Variants in EBNA1BP2 observed in about 807,000 individuals in gnomAD.
EBNA1BP2 encodes probable rRNA-processing protein EBP2.
A neutral mutation model predicts 43.5 loss-of-function variants in EBNA1BP2; 36 were observed. That is an observed-to-expected ratio of 0.83 (90% CI 0.63 to 1.09). EBNA1BP2 has a LOEUF of 1.09. Ranked by LOEUF, EBNA1BP2 falls within the 50% of genes least tolerant of loss-of-function variation. The pLI is 0.00. For missense variants in EBNA1BP2, 332 were observed against 379.1 expected, an observed-to-expected ratio of 0.88 and a Z score of 1.03; for synonymous variants, 127 against 141.3, an observed-to-expected ratio of 0.90 and a Z score of 0.72.
At position 43,170,822 on chromosome 1, in the gene EBNA1BP2, T is replaced by C. The variant is rs891830913; in HGVS notation, c.381A>G (p.Lys127=). ...LAVLPRLHQL[K]VPTKRPTDYF... ...AATCAGTGGGTCGCTTCGTAGGGAC[T>C]TTGAGCTGATGGAGGCGGGGTAAGA... is the stretch of plus-strand genomic sequence containing the variant. Residue 127 remains lysine (K), a synonymous_variant, in exon 4 of 9, where the codon AAA becomes AAG. Coordinates refer to ENST00000236051, the MANE Select transcript of EBNA1BP2 (RefSeq NM_006824.3). 1.9e-6 allele frequency: 3 copies of C among 1,606,378 alleles called. No individual in the cohort carries two copies. Among genetic ancestry groups the C allele is most frequent in the Non-Finnish European group, 2.5e-6 (3 of 1,176,880 alleles).
At position 43,171,432 on chromosome 1, in the gene EBNA1BP2, C is replaced by G. The variant is rs372423504; in HGVS notation, c.323+47G>C. 3.2e-5 allele frequency: 50 copies of G among 1,570,256 alleles called. No homozygotes were observed. In the African/African-American group the frequency reaches 5.2e-4, roughly 16 times the overall value. On this transcript the variant is annotated intron_variant, in intron 3 of 8. Transcript: ENST00000236051. The stretch of plus-strand genomic sequence containing the variant: ...ACTAATTTCCCCTCTTTCCCACTCT[C>G]CTGCACAAGGATCCTCAACTTCTCC...
intron 3 of EBNA1BP2, 142 bp from the exon 4 acceptor site, chr1:43,171,021 T>C (rs1010621): frequency 0.23 from 276,760 of 1,202,634 alleles, 35,176 homozygotes; most frequent in Middle Eastern, 0.27. Flanking sequence ...ACAAAAACTG[T>C]CTCACTGATT....
At chr1:43,167,126 G>T (rs754867410) in intron 6 of EBNA1BP2, 34 bp downstream of exon 6, 1 of 1,601,026 alleles carries the variant, frequency 6.2e-7, no homozygotes. Flanking sequence ...TAAAGTACCT[G>T]CTACCCTCGT....
intron 4 of EBNA1BP2, 54 bp from the exon 5 acceptor site, chr1:43,169,082 C>G (rs1644936385): frequency 1.3e-6 from 2 of 1,571,708 alleles, no homozygotes; most frequent in African/African-American, 2.7e-5. Context: ...ATGACCACTA[C>G]TTAGGATTCG....
At chr1:43,166,425 A>G (rs546651837) in intron 7 of EBNA1BP2, among the ~76,000 whole-genome samples, 3 of 152,314 alleles carry the variant, frequency 2.0e-5, no homozygotes, top group Admixed American at 1.3e-4. Context: ...CCTGGCCAAC[A>G]TGGTGAAACC....
In EBNA1BP2 at chr1:43,172,245, C is replaced by G; in HGVS notation, c.-127G>C. The G allele has an allele frequency of 1.3e-6, 2 of 1,561,602 alleles. No individual in the cohort carries two copies. Among genetic ancestry groups the G allele is most frequent in the Non-Finnish European group, 1.7e-6 (2 of 1,151,936 alleles). On this transcript the variant is annotated 5_prime_UTR_variant, in exon 1 of 9. Coordinates refer to ENST00000236051, the MANE Select transcript of EBNA1BP2 (RefSeq NM_006824.3). ...CCCCTACTCCCACGCCGTGGCTCCA[C>G]GTGCCACCGAATCGCTCCAGCGCCA...
At chr1:43,165,140 A>G (rs542132402) in intron 7 of EBNA1BP2, among the ~76,000 whole-genome samples, 1 of 152,312 alleles carries the variant, frequency 6.6e-6, no homozygotes, top group South Asian at 2.1e-4. Context: ...ATTCCTCTCA[A>G]GGGTAAATAC....
At chr1:43,171,858 G>A in intron 2 of EBNA1BP2, 28 bp downstream of exon 2, 1 of 1,611,492 alleles carries the variant, frequency 6.2e-7, no homozygotes, top group Non-Finnish European at 8.5e-7. Context: ...CCATGTCCGA[G>A]TACCCCCGAC....
At chr1:43,172,380 C>T (rs1164986478), upstream of EBNA1BP2, 2 of 1,551,480 alleles carry the variant, frequency 1.3e-6, no homozygotes, top group Admixed American at 3.9e-5. Context: ...TGAAAGTGTC[C>T]GGGTTGCTTA....
In EBNA1BP2 at chr1:43,166,772, G is replaced by C. The variant is rs989729516; in HGVS notation, c.707+54C>G. On this transcript the variant is annotated intron_variant, in intron 7 of 8. Transcript: ENST00000236051. ...GCTATGTCTGCCATACTCGTGACCT[G>C]TGGCCCCATCGCACCTCACAGAACC... is the stretch of plus-strand genomic sequence containing the variant. 5 of 1,547,200 alleles carry C rather than the reference G, an allele frequency of 3.2e-6. No individual in the cohort carries two copies. The Admixed American group carries it at 1.0e-4, about 31-fold the overall frequency.
At chr1:43,172,510 G>C, upstream of EBNA1BP2, 1 of 1,424,998 alleles carries the variant, frequency 7.0e-7, no homozygotes, top group Admixed American at 2.2e-5. Context: ...AGGGTACAAA[G>C]GAAAAGGCAG....
At chr1:43,166,606 A>C (rs1033977443) in intron 7 of EBNA1BP2, among the ~76,000 whole-genome samples, 4 of 150,464 alleles carry the variant, frequency 2.7e-5, no homozygotes, top group Admixed American at 2.6e-4. Flanking sequence ...AGACTGTCCA[A>C]AAAAAAAAGA....
At chr1:43,164,602 G>T in intron 8 of EBNA1BP2, 41 bp downstream of exon 8, 1 of 1,613,860 alleles carries the variant, frequency 6.2e-7, no homozygotes, top group Non-Finnish European at 8.5e-7. Flanking sequence ...TGGGAGGGGA[G>T]GCTGAGCCTG....
In EBNA1BP2 at chr1:43,164,657, T is replaced by C; in HGVS notation, c.856A>G (p.Lys286Glu). 1 of 1,614,204 alleles carries C rather than the reference T, an allele frequency of 6.2e-7. No individual in the cohort carries two copies. Among genetic ancestry groups the C allele is most frequent in the Non-Finnish European group, 8.5e-7 (1 of 1,180,030 alleles). Reference sequence around the variant, plus strand: ...GGCTCACTTACATTTGACCCTTTCTTGCCAGGCCTCTTGAGGCCTCTGCCA... The same window carrying C: ...GGCTCACTTACATTTGACCCTTTCTCGCCAGGCCTCTTGAGGCCTCTGCCA... Reference protein sequence around the residue: ...AHGRGLKRPGKKGSNKRPGKR... With the variant: ...AHGRGLKRPGEKGSNKRPGKR... The change falls in exon 8 of 9, where the codon AAG (lysine) becomes GAG (glutamate). Residue 286 changes from lysine to glutamate, a missense_variant. Physicochemically the swap from Lys to Glu is moderately conservative, Grantham distance 56. Around this residue, in one of 3 missense-constraint regions of EBNA1BP2, gnomAD observed 59 missense variants for 53.3 expected, o/e 1.11. Transcript: ENST00000236051.
intron 2 of EBNA1BP2, 33 bp downstream of exon 2, chr1:43,171,853 T>C (rs1644978734): frequency 6.2e-7 from 1 of 1,610,842 alleles, no homozygotes; most frequent in African/African-American, 1.3e-5. Flanking sequence ...GCATCCCATG[T>C]CCGAGTACCC....
chr1:43,164,795 T>C lies in EBNA1BP2; in HGVS notation c.718A>G (p.Lys240Glu). 6.2e-7 allele frequency: 1 copy of C among 1,614,254 alleles called. No homozygotes were observed. Among genetic ancestry groups the C allele is most frequent in the South Asian group, 1.1e-5 (1 of 91,090 alleles). Residue 240 changes from lysine (K) to glutamate (E), a missense_variant, in exon 8 of 9, where the codon AAA (lysine) becomes GAA (glutamate). Transcript: ENST00000236051. ...GQQMRKGPSA[K>E]RRYKNQKFGF... ...AACTTCTGGTTTTTATACCGTCGTT[T>C]AGCACTGGGCCTGGAAAAGAATGGT...
intron 4 of EBNA1BP2, among the ~76,000 whole-genome samples, chr1:43,169,728 CCA>C (rs1428754802): frequency 6.6e-6 from 1 of 152,158 alleles, no homozygotes; most frequent in Non-Finnish European, 1.5e-5. Context: ...AACTCCCAGG[CCA>C]CAGACCGCTA....
At chr1:43,164,587 G>A (rs1569718332) in intron 8 of EBNA1BP2, 56 bp downstream of exon 8, 1 of 1,613,804 alleles carries the variant, frequency 6.2e-7, no homozygotes, top group Non-Finnish European at 8.5e-7. Flanking sequence ...GGGCAGGGTT[G>A]GGAGTGGGAG....
chr1:43,166,610 A>C lies in EBNA1BP2; in HGVS notation c.707+216T>G, dbSNP rs201606360. 2.3e-3 allele frequency among the ~76,000 whole-genome samples: 349 copies of C among 152,254 alleles called. 2 individuals are homozygous for C. The highest frequency in any genetic ancestry group is 7.5e-3 in the African/African-American group (311 of 41,558). On this transcript the variant is annotated intron_variant, in intron 7 of 8. Transcript: ENST00000236051. ...GTGACAGAATGAGACTGTCCAAAAA[A>C]AAAAGAAGTTTAAAAAGTGCCTTCT... is the stretch of plus-strand genomic sequence containing the variant.
Sources: allele counts gnomAD v4.1 joint callset (sites outside exome capture counted in the v4.1 genomes callset), GRCh38; gene constraint gnomAD v4.1.1; regional missense constraint gnomAD v4.1.1; transcripts MANE v1.5; gene names NCBI Gene and HGNC (gene_info 2026-07-23, HGNC 2026-07-21).